Variants in SLC26A5 observed in about 807,000 individuals in gnomAD.
SLC26A5 encodes solute carrier family 26 member 5, also known as prestin.
In SLC26A5, 51 loss-of-function variants were observed where a neutral mutation model predicts 81.0. The ratio of observed to expected loss-of-function variants is 0.63; its 90% CI spans 0.50 to 0.80. SLC26A5 has a LOEUF of 0.80. SLC26A5 is among the 30% of genes least tolerant of loss of function. The pLI, the probability that SLC26A5 is intolerant of heterozygous loss-of-function variation, is 0.00. For synonymous variants in SLC26A5, 325 were observed against 332.8 expected, an observed-to-expected ratio of 0.98 and a Z score of 0.25; for missense variants, 771 against 905.8, an observed-to-expected ratio of 0.85 and a Z score of 1.91.
At position 103,397,962 on chromosome 7, in the gene SLC26A5, T is replaced by C. The variant is rs1348672403; in HGVS notation, c.941A>G (p.Asn314Ser). 2 of 1,614,056 alleles carry C rather than the reference T, an allele frequency of 1.2e-6. No individual in the cohort carries two copies. The highest frequency in any genetic ancestry group is 2.2e-5 in the South Asian group (2 of 91,080). The change falls in exon 9 of 20, where the codon AAT becomes AGT. Residue 314 changes from asparagine to serine, a missense_variant. Asn to Ser is a conservative substitution (Grantham distance 46). Coordinates refer to ENST00000306312, the MANE Select transcript of SLC26A5 (RefSeq NM_198999.3). ...SAGFNLKESY[N>S]VDVVGTLPLG... The stretch of plus-strand genomic sequence containing the variant: ...AGGAAGTGTTCCAACGACATCCACA[T>C]TGTATGATTCTTTCAAGTTAAACCC...
At chr7:103,361,510 C>CAAAAAAAAAAAAAAAAAAAAAAAA (rs759044767) in intron 19 of SLC26A5, among the ~76,000 whole-genome samples, 2 of 51,100 alleles carry the variant, frequency 3.9e-5, no homozygotes, top group African/African-American at 6.5e-5. Context: ...AACTCCATCT[C>CAAAAAAAAAAAAAAAAAAAAAAAA]AAAAAAAAAA....
intron 19 of SLC26A5, chr7:103,355,861 A>C: frequency 2.5e-5 from 27 of 1,091,790 alleles, no homozygotes; most frequent in Non-Finnish European, 3.1e-5. Context: ...TTAGAGTCTC[A>C]GGGATAATGC....
chr7:103,436,023 GA>G (rs1378064732), intron 2 of SLC26A5, among the ~76,000 whole-genome samples: 1 of 152,108 alleles, frequency 6.6e-6, no homozygotes, highest in African/African-American at 2.4e-5. Context: ...TAGGTGTATG[GA>G]GAAAGTTTTG....
intron 2 of SLC26A5, among the ~76,000 whole-genome samples, chr7:103,426,166 T>C (rs1825698729): frequency 6.6e-6 from 1 of 152,226 alleles, no homozygotes; most frequent in Admixed American, 6.5e-5. Context: ...TCTATGCTTA[T>C]ATTCTCACAA....
chr7:103,371,061 C>T (rs1448254637), downstream of SLC26A5, among the ~76,000 whole-genome samples: 2 of 152,014 alleles, frequency 1.3e-5, no homozygotes, highest in Non-Finnish European at 1.5e-5. Context: ...AAGCCAGAGA[C>T]GAGACTGTAA....
At chr7:103,430,598 A>AG (rs3051683) in intron 2 of SLC26A5, among the ~76,000 whole-genome samples, 1 of 151,744 alleles carries the variant, frequency 6.6e-6, no homozygotes, top group South Asian at 2.1e-4. Context: ...TCCAGAGAGG[A>AG]TGGCTTTGGA....
intron 19 of SLC26A5, among the ~76,000 whole-genome samples, chr7:103,359,138 C>CTTTTTGTTT (rs1820217487): frequency 3.2e-5 from 1 of 31,328 alleles, no homozygotes; most frequent in Non-Finnish European, 5.7e-5. Flanking sequence ...CCATGTCTGG[C>CTTTTTGTTT]TTTTTTTTTT....
chr7:103,399,918 G>T (rs1192598721), intron 8 of SLC26A5, among the ~76,000 whole-genome samples: 1 of 152,110 alleles, frequency 6.6e-6, no homozygotes, highest in Admixed American at 6.5e-5. Flanking sequence ...TTTTATGGCT[G>T]CATAGTATTC....
chr7:103,410,262 C>G (rs1824378727), intron 7 of SLC26A5, 123 bp downstream of exon 7: 2 of 854,010 alleles, frequency 2.3e-6, no homozygotes, highest in Admixed American at 4.4e-5. Context: ...TGAATTTTTC[C>G]CTTTTTATGG....
intron 2 of SLC26A5, chr7:103,433,596 TG>T (rs1239738783): frequency 6.6e-6 from 1 of 152,212 alleles, no homozygotes; most frequent in Non-Finnish European, 1.5e-5. Flanking sequence ...ATGTGAATAT[TG>T]TTCACTGCTA....
In SLC26A5 at chr7:103,393,008, T is replaced by A; in HGVS notation, c.1030A>T (p.Ile344Phe). 1 of 1,614,002 alleles carries A rather than the reference T, an allele frequency of 6.2e-7. No individual in the cohort carries two copies. The highest frequency in any genetic ancestry group is 8.5e-7 in the Non-Finnish European group (1 of 1,179,874). ...GAAAATCCAACGATGGCTATGGCAA[T>A]GGCATCTACGTACACAAGGTGGAAG... ...SLFHLVYVDA[I>F]AIAIVGFSVT... The change falls in exon 10 of 20, where the codon ATT becomes TTT. Residue 344 changes from isoleucine to phenylalanine, a missense_variant. Transcript: ENST00000306312.
At chr7:103,385,923 T>TTTTC (rs1166575039) in intron 14 of SLC26A5, among the ~76,000 whole-genome samples, 1 of 148,722 alleles carries the variant, frequency 6.7e-6, no homozygotes, top group South Asian at 2.1e-4. Context: ...ACGGGAGCTT[T>TTTTC]TTTCTTTCTT....
intron 14 of SLC26A5, among the ~76,000 whole-genome samples, chr7:103,387,931 C>T (rs1822325575): frequency 6.6e-6 from 1 of 152,192 alleles, no homozygotes; most frequent in Admixed American, 6.5e-5. Flanking sequence ...ATCCACCTGC[C>T]TTGGCCTCCC....
chr7:103,374,313 A>AC lies in SLC26A5; in HGVS notation c.*85_*86insG. 1.3e-6 allele frequency: 2 copies of AC among 1,563,740 alleles called. No homozygotes were observed. Among genetic ancestry groups the AC allele is most frequent in the South Asian group, 2.4e-5 (2 of 84,812 alleles). ...GACTACTAGTATTCACCCTTAGAAAAAAAAATCTAGCGTCTAGTATTTAAA... is the reference window on the plus strand; with the variant it reads ...GACTACTAGTATTCACCCTTAGAAAACAAAAATCTAGCGTCTAGTATTTAAA... On this transcript the variant is annotated 3_prime_UTR_variant, in exon 20 of 20. Transcript: ENST00000306312.
intron 2 of SLC26A5, among the ~76,000 whole-genome samples, chr7:103,424,812 C>T (rs1825601804): frequency 6.6e-6 from 1 of 152,216 alleles, no homozygotes; most frequent in Admixed American, 6.5e-5. Flanking sequence ...AAAATGTGGC[C>T]AATCACCACA....
At chr7:103,420,667 G>A (rs992956609) in intron 4 of SLC26A5, 71 bp downstream of exon 4, 1 of 1,572,448 alleles carries the variant, frequency 6.4e-7, no homozygotes, top group Non-Finnish European at 8.7e-7. Flanking sequence ...TTGCAATCAT[G>A]ATGAAATAAA....
chr7:103,392,782 T>G, intron 10 of SLC26A5, 137 bp downstream of exon 10: 1 of 1,067,592 alleles, frequency 9.4e-7, no homozygotes, highest in Admixed American at 1.9e-5. Flanking sequence ...TTTCACCATG[T>G]TAGCCAGGAT....
intron 14 of SLC26A5, among the ~76,000 whole-genome samples, chr7:103,386,146 G>A (rs1453498832): frequency 2.0e-5 from 3 of 151,800 alleles, no homozygotes; most frequent in Non-Finnish European, 4.4e-5. Context: ...GGTCAGGCTA[G>A]TCTTGAACAC....
chr7:103,385,684 AT>A (rs1256535944), intron 14 of SLC26A5, among the ~76,000 whole-genome samples: 1 of 147,976 alleles, frequency 6.8e-6, no homozygotes, highest in Admixed American at 6.7e-5. Flanking sequence ...TAGAGCTTTT[AT>A]TTTTTTCTTT....
Sources: allele counts gnomAD v4.1 joint callset (sites outside exome capture counted in the v4.1 genomes callset), GRCh38; gene constraint gnomAD v4.1.1; transcripts MANE v1.5; gene names NCBI Gene and HGNC (gene_info 2026-07-23, HGNC 2026-07-21).